Variants in WDPCP observed in about 807,000 individuals in gnomAD.
WDPCP encodes WD repeat containing planar cell polarity effector.
WDPCP carries 71 observed loss-of-function variants against 93.1 expected under a neutral mutation model. The observed-to-expected ratio is 0.76, with a 90% CI of 0.63 to 0.93. The LOEUF (loss-of-function observed/expected upper bound fraction) is 0.93. Among genes scored for constraint, WDPCP ranks in the 40% least tolerant of loss-of-function variants. The probability of loss-of-function intolerance (pLI) is 0.00; values close to 1 mark genes in which losing one functional copy is unlikely to be tolerated. For synonymous variants in WDPCP, 315 were observed against 315.0 expected, an observed-to-expected ratio of 1.00 and a Z score of 0.00; for missense variants, 844 against 887.4, an observed-to-expected ratio of 0.95 and a Z score of 0.62.
intron 6 of WDPCP, chr2:63,441,358 G>T (rs1323398658): frequency 6.6e-6 from 1 of 151,844 alleles, no homozygotes; most frequent in Non-Finnish European, 1.5e-5. Flanking sequence ...TTCTCAGACG[G>T]GCAATTTTAG....
chr2:63,673,767 T>A (rs555927684), intron 2 of WDPCP, among the ~76,000 whole-genome samples: 1 of 152,362 alleles, frequency 6.6e-6, no homozygotes, highest in East Asian at 1.9e-4. Flanking sequence ...TCTTCCTAAG[T>A]GTCTCAACAA....
chr2:63,645,071 CT>C (rs907846687), intron 3 of WDPCP, among the ~76,000 whole-genome samples: 64 of 151,772 alleles, frequency 4.2e-4, no homozygotes, highest in African/African-American at 1.5e-3. Context: ...TCTTGCTTTT[CT>C]AGTTATTTAA....
intron 2 of WDPCP, among the ~76,000 whole-genome samples, chr2:63,744,103 G>A (rs1291388969): frequency 1.3e-5 from 2 of 152,094 alleles, no homozygotes; most frequent in African/African-American, 2.4e-5. Flanking sequence ...TTTTATAACT[G>A]GAGAAAGTGA....
Position 63,467,402 on chromosome 2 carries a change from C to A in WDPCP, c.384+17202G>T, listed in dbSNP as rs138674595. Among the ~76,000 whole-genome samples, 14 of 151,912 alleles carry A rather than the reference C, an allele frequency of 9.2e-5. No homozygotes were observed. In the East Asian group the frequency reaches 2.3e-3, roughly 25 times the overall value. ...GGCTGAGGCAGGAGAATCACTGGAA[C>A]CCAGGAGGTGGAGGTTGGAGTGAGC... On this transcript the variant is annotated intron_variant, in intron 6 of 17. Coordinates refer to ENST00000272321, the MANE Select transcript of WDPCP (RefSeq NM_015910.7).
intron 12 of WDPCP, among the ~76,000 whole-genome samples, chr2:63,351,593 A>G (rs1689618014): frequency 6.6e-6 from 1 of 152,196 alleles, no homozygotes; most frequent in Non-Finnish European, 1.5e-5. Flanking sequence ...ACTGCTACAA[A>G]GAACATGATT....
chr2:63,236,087 G>A (rs536868048), intron 14 of WDPCP, among the ~76,000 whole-genome samples: 31 of 152,220 alleles, frequency 2.0e-4, no homozygotes, highest in African/African-American at 7.5e-4. Flanking sequence ...AAAACCCTAA[G>A]TACTTCACCA....
chr2:63,691,911 T>TGC (rs1668897153), intron 2 of WDPCP, among the ~76,000 whole-genome samples: 1 of 151,222 alleles, frequency 6.6e-6, no homozygotes, highest in South Asian at 2.1e-4. Context: ...TGTGTGTGTG[T>TGC]GTATTTTTCT....
intron 2 of WDPCP, among the ~76,000 whole-genome samples, chr2:63,767,376 G>A (rs1670156502): frequency 6.6e-6 from 1 of 152,112 alleles, no homozygotes; most frequent in Non-Finnish European, 1.5e-5. Flanking sequence ...AGTTGAATGG[G>A]TCATTTGGTG....
chr2:63,386,425 C>A (rs973311468), intron 10 of WDPCP, among the ~76,000 whole-genome samples: 1 of 151,950 alleles, frequency 6.6e-6, no homozygotes, highest in African/African-American at 2.4e-5. Context: ...CTTCATCAGA[C>A]AAGATATACA....
chr2:63,832,873 A>C, the WDPCP span, among the ~76,000 whole-genome samples: 1 of 152,218 alleles, frequency 6.6e-6, no homozygotes, highest in Non-Finnish European at 1.5e-5. Context: ...AATAACAATA[A>C]CTTGAGATTA....
intron 2 of WDPCP, among the ~76,000 whole-genome samples, chr2:63,736,288 A>C (rs1270859044): frequency 2.0e-5 from 3 of 152,230 alleles, no homozygotes; most frequent in East Asian, 3.8e-4. Flanking sequence ...AATAAATAGC[A>C]AACAAAAAAT....
intron 1 of WDPCP, among the ~76,000 whole-genome samples, chr2:63,513,456 T>C (rs1253777201): frequency 1.3e-5 from 2 of 152,054 alleles, no homozygotes; most frequent in African/African-American, 4.8e-5. Context: ...CTGAGCACTT[T>C]AAAGGGGATT....
intron 10 of WDPCP, among the ~76,000 whole-genome samples, chr2:63,386,166 C>T (rs150418836): frequency 1.3e-5 from 2 of 151,778 alleles, no homozygotes; most frequent in African/African-American, 2.4e-5. Flanking sequence ...TTTCTTAGGA[C>T]GTGAAAAGCA....
At chr2:63,726,589 T>G (rs957293390) in intron 2 of WDPCP, among the ~76,000 whole-genome samples, 3 of 152,194 alleles carry the variant, frequency 2.0e-5, no homozygotes, top group African/African-American at 7.2e-5. Context: ...GTGTCATCAG[T>G]AGTTTGATAG....
intron 3 of WDPCP, among the ~76,000 whole-genome samples, chr2:63,632,012 C>A (rs1200785545): frequency 6.6e-6 from 1 of 152,190 alleles, no homozygotes; most frequent in Non-Finnish European, 1.5e-5. Context: ...CTGAGCACCC[C>A]CACAAAAGGA....
At chr2:63,585,835 C>CTTTTTT (rs11309831) in intron 1 of WDPCP, among the ~76,000 whole-genome samples, 1 of 103,106 alleles carries the variant, frequency 9.7e-6, no homozygotes, top group Admixed American at 1.0e-4. Context: ...AAATAATTTT[C>CTTTTTT]TTTTTTTTTT....
At chr2:63,541,271 C>T (rs116687335) in intron 1 of WDPCP, among the ~76,000 whole-genome samples, 2,455 of 152,238 alleles carry the variant, frequency 0.016, 76 homozygotes, top group African/African-American at 0.056. Context: ...CCATGCCCAG[C>T]CTAATAAGCA....
At chr2:63,236,678 C>T (rs773899631) in intron 14 of WDPCP, among the ~76,000 whole-genome samples, 8 of 151,970 alleles carry the variant, frequency 5.3e-5, no homozygotes, top group Non-Finnish European at 7.4e-5. Flanking sequence ...TAAAGCTGTA[C>T]GCCTACAACC....
At chr2:63,487,008 G>C (rs1222398745) in intron 3 of WDPCP, among the ~76,000 whole-genome samples, 1 of 152,024 alleles carries the variant, frequency 6.6e-6, no homozygotes, top group African/African-American at 2.4e-5. Flanking sequence ...ACTCTAGCTA[G>C]AAAGACCTTT....
Sources: gnomAD v4.1 joint callset for allele counts (sites outside exome capture counted in the v4.1 genomes callset) on GRCh38, gnomAD v4.1.1 for gene constraint, MANE v1.5 for transcripts, NCBI Gene and HGNC (gene_info 2026-07-23, HGNC 2026-07-21) for gene names.